EPHA6: variants seen among roughly 807,000 people sequenced by gnomAD.
The protein encoded by EPHA6 is EPH receptor A6, also known as ephrin type-A receptor 6.
EPHA6 carries 50 observed loss-of-function variants against 112.0 expected under a neutral mutation model. The observed-to-expected ratio is 0.45, with a 90% CI of 0.36 to 0.56. The LOEUF (loss-of-function observed/expected upper bound fraction) is 0.56, where lower values mean the gene tolerates loss of function less well. Among genes scored for constraint, EPHA6 ranks in the 20% least tolerant of loss-of-function variants. The probability of loss-of-function intolerance (pLI) is 0.00; values close to 1 mark genes in which losing one functional copy is unlikely to be tolerated. For missense variants in EPHA6, 1,280 were observed against 1,417.4 expected, an observed-to-expected ratio of 0.90 and a Z score of 1.56; for synonymous variants, 529 against 490.7, an observed-to-expected ratio of 1.08 and a Z score of -1.03.
At chr3:97,407,015 AG>A (rs1038467179) in intron 6 of EPHA6, among the ~76,000 whole-genome samples, 11 of 152,140 alleles carry the variant, frequency 7.2e-5, no homozygotes, top group Non-Finnish European at 1.5e-4. Context: ...GTGTTTTATA[AG>A]GGTTATATTT....
chr3:97,134,227 CTA>C (rs2096002132), intron 3 of EPHA6, among the ~76,000 whole-genome samples: 1 of 152,150 alleles, frequency 6.6e-6, no homozygotes, highest in South Asian at 2.1e-4. Context: ...TTTCAATATA[CTA>C]TTTCTGAAGC....
intron 14 of EPHA6, among the ~76,000 whole-genome samples, chr3:97,645,910 G>A (rs915592491): frequency 1.3e-5 from 2 of 152,078 alleles, no homozygotes; most frequent in African/African-American, 4.8e-5. Flanking sequence ...TGTCAGGAAG[G>A]ATTTGGAGGA....
chr3:96,931,867 A>G (rs914664802), intron 2 of EPHA6, among the ~76,000 whole-genome samples: 1 of 152,230 alleles, frequency 6.6e-6, no homozygotes, highest in South Asian at 2.1e-4. Flanking sequence ...TTGCCTTACC[A>G]GAGTTGCACA....
chr3:97,752,375 A>C lies in EPHA6; in HGVS notation c.*3674A>C. 1 of 224,706 alleles carries C rather than the reference A, an allele frequency of 4.5e-6. No homozygotes were observed. The highest frequency in any genetic ancestry group is 8.9e-6 in the Non-Finnish European group (1 of 112,636). The allele number at this position is 224,706 out of a possible 1,614,324, so 13.9% of individuals were successfully genotyped here. ...TTTCCTACCAAATTTCTGCTCTACA[A>C]GGCAGTCAGTTAAATCTCTCATTTC... On this transcript the variant is annotated 3_prime_UTR_variant, in exon 18 of 18. Transcript: ENST00000389672.
intron 10 of EPHA6, among the ~76,000 whole-genome samples, chr3:97,495,725 G>A (rs915127244): frequency 1.3e-4 from 20 of 152,106 alleles, no homozygotes; most frequent in African/African-American, 4.8e-4. Context: ...TCCCTGTGCA[G>A]CAATCATTTA....
rs370226540 is a variant in EPHA6, at chr3:97,641,804, C to T, written c.2784+3722C>T. Reference sequence around the variant, plus strand: ...AGAGGGTCCTATGCCCACGGAGTCTCGCTGATTGCTAGCACAGCAGTCTGA... The same window carrying T: ...AGAGGGTCCTATGCCCACGGAGTCTTGCTGATTGCTAGCACAGCAGTCTGA... On this transcript the variant is annotated intron_variant, in intron 14 of 17. Coordinates refer to ENST00000389672, the MANE Select transcript of EPHA6 (RefSeq NM_001080448.3). Among the ~76,000 whole-genome samples the T allele has an allele frequency of 1.5e-3, 230 of 152,288 alleles. 1 individual carries two copies. Among genetic ancestry groups the T allele is most frequent in the African/African-American group, 4.5e-3 (188 of 41,566 alleles).
chr3:97,323,666 T>TA (rs1275070475), intron 5 of EPHA6, among the ~76,000 whole-genome samples: 1 of 151,920 alleles, frequency 6.6e-6, no homozygotes, highest in Non-Finnish European at 1.5e-5. Flanking sequence ...AATCCTCACA[T>TA]AAAAAAATTT....
At chr3:97,299,646 A>G (rs1467947457) in intron 5 of EPHA6, among the ~76,000 whole-genome samples, 1 of 152,190 alleles carries the variant, frequency 6.6e-6, no homozygotes, top group Non-Finnish European at 1.5e-5. Context: ...GATGACGTCC[A>G]TGATGTAGAA....
At position 97,753,661 on chromosome 3, in the gene EPHA6, G is replaced by A. The variant is rs1256596055; in HGVS notation, c.*4960G>A. ...AATTCTGGAGTAATCTCTTGTTCAA[G>A]CTTATTCACTTGTTCTAGTAAACAT... On this transcript the variant is annotated 3_prime_UTR_variant, in exon 18 of 18. Coordinates refer to ENST00000389672, the MANE Select transcript of EPHA6 (RefSeq NM_001080448.3). Among the ~76,000 whole-genome samples the A allele has an allele frequency of 6.6e-6, 1 of 152,068 alleles. No homozygotes were observed. The highest frequency in any genetic ancestry group is 6.6e-5 in the Admixed American group (1 of 15,254).
intron 4 of EPHA6, among the ~76,000 whole-genome samples, chr3:97,232,466 T>C: frequency 6.6e-6 from 1 of 152,092 alleles, no homozygotes; most frequent in Non-Finnish European, 1.5e-5. Flanking sequence ...AAAACAATAA[T>C]GATAATAATA....
intron 11 of EPHA6, among the ~76,000 whole-genome samples, chr3:97,564,044 A>T (rs1037226136): frequency 1.3e-5 from 2 of 152,136 alleles, no homozygotes; most frequent in Non-Finnish European, 2.9e-5. Flanking sequence ...CACATAGTGA[A>T]ATGTTGATGG....
intron 11 of EPHA6, among the ~76,000 whole-genome samples, chr3:97,566,436 C>T (rs1298362115): frequency 6.6e-6 from 1 of 152,194 alleles, no homozygotes; most frequent in African/African-American, 2.4e-5. Flanking sequence ...AAAACTGAGA[C>T]TCTAAAGAAT....
intron 3 of EPHA6, among the ~76,000 whole-genome samples, chr3:97,104,959 G>A (rs929128399): frequency 2.0e-5 from 3 of 151,902 alleles, no homozygotes; most frequent in Admixed American, 6.6e-5. Context: ...TCTGATGCTT[G>A]CTTGTATTTC....
intron 12 of EPHA6, among the ~76,000 whole-genome samples, chr3:97,602,901 G>A (rs2107417420): frequency 6.6e-6 from 1 of 151,542 alleles, no homozygotes; most frequent in East Asian, 1.9e-4. Flanking sequence ...TTCAAGATAT[G>A]AAAATTCCTT....
intron 2 of EPHA6, among the ~76,000 whole-genome samples, chr3:96,951,170 A>G (rs1312082987): frequency 6.6e-6 from 1 of 152,112 alleles, no homozygotes; most frequent in Non-Finnish European, 1.5e-5. Context: ...ATGGTCAGTA[A>G]TATTCTGCCA....
intron 6 of EPHA6, among the ~76,000 whole-genome samples, chr3:97,407,723 A>T (rs1462748533): frequency 6.6e-6 from 1 of 151,568 alleles, no homozygotes; most frequent in African/African-American, 2.4e-5. Flanking sequence ...AAAACTTTTT[A>T]TTTTTTTTAT....
intron 13 of EPHA6, among the ~76,000 whole-genome samples, chr3:97,618,779 C>T (rs2093787883): frequency 6.6e-6 from 1 of 151,812 alleles, no homozygotes. Context: ...AATAGCTTTC[C>T]AACCCAAAAA....
chr3:97,741,594 G>T (rs146920245), intron 16 of EPHA6, among the ~76,000 whole-genome samples: 89 of 152,104 alleles, frequency 5.9e-4, no homozygotes, highest in Middle Eastern at 3.4e-3. Context: ...CGGAAACAGA[G>T]ACATAAAGAG....
intron 12 of EPHA6, among the ~76,000 whole-genome samples, chr3:97,596,777 C>CATATATATATATATATATATATAT (rs57541953): frequency 9.4e-6 from 1 of 106,210 alleles, no homozygotes; most frequent in Non-Finnish European, 1.9e-5. Flanking sequence ...AACTCATATA[C>CATATATATATATATATATATATAT]ATATATATAT....
Sources: gnomAD v4.1 joint callset for allele counts (sites outside exome capture counted in the v4.1 genomes callset) on GRCh38, gnomAD v4.1.1 for gene constraint, MANE v1.5 for transcripts, NCBI Gene and HGNC (gene_info 2026-07-23, HGNC 2026-07-21) for gene names.